The following SLX4IP variants were observed in gnomAD, a reference collection of about 807,000 sequenced individuals.
SLX4IP encodes SLX4 interacting protein, also known as protein SLX4IP.
Under a neutral mutation model 32.9 loss-of-function variants are expected in SLX4IP, and 34 were observed. That is an observed-to-expected ratio of 1.03 (90% CI 0.79 to 1.38). The LOEUF (loss-of-function observed/expected upper bound fraction) is 1.38. SLX4IP is among the 40% of genes most tolerant of loss of function. The pLI is 0.00. For missense variants in SLX4IP, 444 were observed against 479.0 expected, an observed-to-expected ratio of 0.93 and a Z score of 0.68; for synonymous variants, 172 against 171.7, an observed-to-expected ratio of 1.00 and a Z score of -0.01.
intron 1 of SLX4IP, among the ~76,000 whole-genome samples, chr20:10,446,465 G>A (rs1216740403): frequency 6.6e-6 from 1 of 150,918 alleles, no homozygotes; most frequent in Non-Finnish European, 1.5e-5. Flanking sequence ...AAGTTTTTAC[G>A]TGAGCCTAAG....
chr20:10,453,368 G>A (rs918854779), intron 1 of SLX4IP, among the ~76,000 whole-genome samples: 1 of 150,820 alleles, frequency 6.6e-6, no homozygotes, highest in Non-Finnish European at 1.5e-5. Flanking sequence ...CCTGCGGCCT[G>A]CTCTGGTCTG....
chr20:10,538,193 C>T (rs2066066423), intron 2 of SLX4IP, among the ~76,000 whole-genome samples: 1 of 152,098 alleles, frequency 6.6e-6, no homozygotes, highest in Non-Finnish European at 1.5e-5. Flanking sequence ...CCTCTTTGAC[C>T]CAGGGCCATT....
At chr20:10,547,012 A>G (rs912251170) in intron 2 of SLX4IP, among the ~76,000 whole-genome samples, 28 of 152,222 alleles carry the variant, frequency 1.8e-4, no homozygotes, top group African/African-American at 6.5e-4. Context: ...TCCCAGGGGC[A>G]TATGTTAAAT....
Position 10,626,666 on chromosome 20 carries a change from T to A in SLX4IP, c.*3287T>A, listed in dbSNP as rs1386444426. 2 of 152,214 alleles carry A rather than the reference T, an allele frequency of 1.3e-5. No individual in the cohort carries two copies. The highest frequency in any genetic ancestry group is 1.3e-4 in the Admixed American group (2 of 15,284). 9.4% of individuals were successfully genotyped at this position (152,214 alleles called of 1,614,324 possible). A position where few individuals can be genotyped will look rare whatever the true frequency, so the allele number is the denominator to read the frequency against. ...TGTATGATTTTTCTTTCACATTTTCTTATCTTTGCCACTGGAGGTTAACTG... is the reference window on the plus strand; with the variant it reads ...TGTATGATTTTTCTTTCACATTTTCATATCTTTGCCACTGGAGGTTAACTG... On this transcript the variant is annotated 3_prime_UTR_variant, in exon 8 of 8. Transcript: ENST00000334534.
At chr20:10,477,692 A>C (rs182777845) in intron 2 of SLX4IP, among the ~76,000 whole-genome samples, 21 of 152,330 alleles carry the variant, frequency 1.4e-4, no homozygotes, top group African/African-American at 3.6e-4. Context: ...GGGTTGTTAC[A>C]TAAAAGGTTT....
intron 2 of SLX4IP, among the ~76,000 whole-genome samples, chr20:10,555,418 A>C (rs1187988328): frequency 6.6e-6 from 1 of 152,198 alleles, no homozygotes; most frequent in Non-Finnish European, 1.5e-5. Context: ...TAACTGTGCT[A>C]TCCAGTATGG....
chr20:10,542,659 C>T (rs544901554), intron 2 of SLX4IP, among the ~76,000 whole-genome samples: 1 of 152,208 alleles, frequency 6.6e-6, no homozygotes, highest in Non-Finnish European at 1.5e-5. Context: ...TCATTTACAG[C>T]GATGGCACTC....
rs965389463 is a variant in SLX4IP, at chr20:10,625,483, G to GT, written c.*2110dup. 1 of 152,150 alleles carries GT rather than the reference G, an allele frequency of 6.6e-6. No individual in the cohort carries two copies. The highest frequency in any genetic ancestry group is 6.5e-5 in the Admixed American group (1 of 15,280). The allele number at this position is 152,150 out of a possible 1,614,324, so 9.4% of individuals were successfully genotyped here. A position where few individuals can be genotyped will look rare whatever the true frequency, so the allele number is the denominator to read the frequency against. ...AAGTTTTTATTTGTTTGTTCTGTTG[G>GT]TTTTTTGTTATTTCTGTTTTCTTCT... On this transcript the variant is annotated 3_prime_UTR_variant, in exon 8 of 8. Transcript: ENST00000334534.
chr20:10,616,764 C>T (rs1410141553), intron 6 of SLX4IP, among the ~76,000 whole-genome samples: 1 of 152,188 alleles, frequency 6.6e-6, no homozygotes, highest in African/African-American at 2.4e-5. Context: ...ACCACCATAT[C>T]TAACATAGCA....
intron 2 of SLX4IP, among the ~76,000 whole-genome samples, chr20:10,547,636 G>A (rs1285965497): frequency 3.3e-5 from 5 of 152,174 alleles, no homozygotes; most frequent in Admixed American, 2.6e-4. Context: ...TCCAATTCAC[G>A]AGTGACAGTA....
chr20:10,580,714 C>A (rs775446420), intron 4 of SLX4IP, among the ~76,000 whole-genome samples: 1 of 151,702 alleles, frequency 6.6e-6, no homozygotes, highest in Non-Finnish European at 1.5e-5. Context: ...GGTTCCGGTT[C>A]GATTATTACT....
chr20:10,575,724 T>C (rs150508604), intron 4 of SLX4IP, among the ~76,000 whole-genome samples: 312 of 152,284 alleles, frequency 2.0e-3, no homozygotes, highest in African/African-American at 7.1e-3. Flanking sequence ...GAAGTACTTG[T>C]AGCATTCACC....
intron 4 of SLX4IP, among the ~76,000 whole-genome samples, chr20:10,590,204 T>A (rs955459660): frequency 1.3e-5 from 2 of 152,148 alleles, no homozygotes; most frequent in African/African-American, 4.8e-5. Flanking sequence ...CTTTTCCTAA[T>A]TAATTATGAA....
At chr20:10,542,997 G>T (rs539628096) in intron 2 of SLX4IP, among the ~76,000 whole-genome samples, 42 of 152,296 alleles carry the variant, frequency 2.8e-4, no homozygotes, top group African/African-American at 1.0e-3. Flanking sequence ...TCCCCATCCA[G>T]GTTGCTGTTT....
intron 2 of SLX4IP, among the ~76,000 whole-genome samples, chr20:10,491,071 T>TA (rs76179946): frequency 7.3e-5 from 11 of 150,774 alleles, no homozygotes; most frequent in Admixed American, 2.0e-4. Context: ...GGCTCCACTT[T>TA]AAAAAAAAAC....
chr20:10,489,942 T>G (rs2065607368), intron 2 of SLX4IP, among the ~76,000 whole-genome samples: 1 of 152,184 alleles, frequency 6.6e-6, no homozygotes, highest in South Asian at 2.1e-4. Flanking sequence ...TGATTTAAAT[T>G]TTCTTCTGCA....
At position 10,622,680 on chromosome 20, in the gene SLX4IP, A is replaced by C; in HGVS notation, c.528A>C (p.Lys176Asn). The C allele has an allele frequency of 1.2e-6, 2 of 1,609,402 alleles. No individual in the cohort carries two copies. Among genetic ancestry groups the C allele is most frequent in the Non-Finnish European group, 1.7e-6 (2 of 1,178,032 alleles). The change falls in exon 8 of 8, where the codon AAA (lysine) becomes AAC (asparagine). Residue 176 changes from lysine to asparagine, a missense_variant. Lys to Asn is a moderately conservative substitution (Grantham distance 94, BLOSUM62 0). Coordinates refer to ENST00000334534, the MANE Select transcript of SLX4IP (RefSeq NM_001009608.3). ...TCAGTGTGAAAAGAACTGAAACAAA[A>C]AGCAGTGTCACGAGCAAATCGCAGA... ...LKEIVKRTET[K>N]SSVTSKSQTR...
At chr20:10,537,063 G>A (rs1021040576) in intron 2 of SLX4IP, among the ~76,000 whole-genome samples, 7 of 152,156 alleles carry the variant, frequency 4.6e-5, no homozygotes, top group Non-Finnish European at 8.8e-5. Flanking sequence ...CTGAAGCTTA[G>A]GGCATAGAAC....
At chr20:10,471,831 A>G (rs1209301546) in intron 2 of SLX4IP, among the ~76,000 whole-genome samples, 2 of 152,150 alleles carry the variant, frequency 1.3e-5, no homozygotes, top group Admixed American at 6.5e-5. Context: ...CTTCACTCAC[A>G]TGTTTAGTTC....
Sources: allele counts gnomAD v4.1 joint callset (sites outside exome capture counted in the v4.1 genomes callset), GRCh38; gene constraint gnomAD v4.1.1; transcripts MANE v1.5; gene names NCBI Gene and HGNC (gene_info 2026-07-23, HGNC 2026-07-21).